The following DAPK1 variants were observed in gnomAD, a reference collection of about 807,000 sequenced individuals.
DAPK1 encodes death associated protein kinase 1.
A neutral mutation model predicts 144.9 loss-of-function variants in DAPK1; 56 were observed. That is an observed-to-expected ratio of 0.39 (90% confidence interval 0.31 to 0.48). The LOEUF (loss-of-function observed/expected upper bound fraction) is 0.48. Ranked by LOEUF, DAPK1 falls within the 20% of genes least tolerant of loss-of-function variation. DAPK1 has a pLI of 0.95. For missense variants in DAPK1, 1,454 were observed against 1,875.4 expected (o/e 0.78, Z 4.15); for synonymous variants, 690 against 749.0 (o/e 0.92, Z 1.29).
rs1321149621 is a variant in DAPK1 at position 87,596,201 on chromosome 9, T to A, written c.63-8753T>A. Among the ~76,000 whole-genome samples, 6 of 152,180 alleles carry A rather than the reference T, an allele frequency of 3.9e-5. No individual in the cohort carries two copies. The East Asian group carries it at 1.2e-3, about 29-fold the overall frequency. On this transcript the variant is annotated intron_variant, in intron 2 of 25. Coordinates refer to ENST00000408954, the MANE Select transcript of DAPK1 (RefSeq NM_004938.4). Reference sequence around the variant, plus strand: ...TTGGGGTTAGGATCAAAGAAGGGGTTCCCGCTGAAGGTGCAGGGAGAGTGT... The same window carrying A: ...TTGGGGTTAGGATCAAAGAAGGGGTACCCGCTGAAGGTGCAGGGAGAGTGT...
intron 2 of DAPK1, among the ~76,000 whole-genome samples, chr9:87,552,055 C>T (rs1826509203): frequency 7.1e-6 from 1 of 141,556 alleles, no homozygotes; most frequent in African/African-American, 2.8e-5. Context: ...GCCAGCAGGC[C>T]TCGCGAGGCT....
intron 19 of DAPK1, among the ~76,000 whole-genome samples, chr9:87,680,651 ACG>A (rs995783643): frequency 4.9e-4 from 56 of 114,538 alleles, no homozygotes; most frequent in South Asian, 1.3e-3. Context: ...ACACACACAC[ACG>A]CGCACACACA....
At chr9:87,621,110 C>G (rs929653419) in intron 3 of DAPK1, among the ~76,000 whole-genome samples, 1 of 152,226 alleles carries the variant, frequency 6.6e-6, no homozygotes, top group African/African-American at 2.4e-5. Context: ...AGGCACTTTC[C>G]TTTCTACCCT....
chr9:87,654,580 G>T (rs770919230), intron 17 of DAPK1, among the ~76,000 whole-genome samples: 15 of 152,170 alleles, frequency 9.9e-5, no homozygotes, highest in Non-Finnish European at 2.1e-4. Context: ...AGTTTGTCCC[G>T]TTTTAATCTT....
intron 3 of DAPK1, chr9:87,632,532 G>C (rs1829734932): frequency 3.1e-6 from 3 of 976,824 alleles, no homozygotes; most frequent in Non-Finnish European, 3.6e-6. Flanking sequence ...AGAAATGAAG[G>C]AAGATGAGTA....
intron 2 of DAPK1, among the ~76,000 whole-genome samples, chr9:87,572,838 G>A (rs36203854): frequency 6.6e-6 from 1 of 152,154 alleles, no homozygotes; most frequent in South Asian, 2.1e-4. Flanking sequence ...TAACACTGTA[G>A]GTCTAGGTGG....
chr9:87,658,120 T>A lies in DAPK1; in HGVS notation c.1916T>A (p.Leu639Gln). 1 of 1,354,270 alleles carries A rather than the reference T, an allele frequency of 7.4e-7. No homozygotes were observed. The highest frequency in any genetic ancestry group is 1.1e-6 in the Non-Finnish European group (1 of 945,264). The allele number at this position is 1,354,270 out of a possible 1,614,324, so 83.9% of individuals were successfully genotyped here. A position where few individuals can be genotyped will look rare whatever the true frequency, so the allele number is the denominator to read the frequency against. Residue 639 changes from leucine to glutamine, a missense_variant, in exon 18 of 26, where the codon CTG becomes CAG. Physicochemically the swap from Leu to Gln is moderately radical, Grantham distance 113 (BLOSUM62 -2). Transcript: ENST00000408954. ...CTGATGGGAGCCAGCGTTGAGGCGC[T>A]GACCACGGTGAGTGCCCACAGGGCT... Reference protein sequence around the residue: ...LCLMGASVEALTTDGKTAEDL... With the variant: ...LCLMGASVEAQTTDGKTAEDL...
chr9:87,503,239 T>A (rs891770515), intron 2 of DAPK1, among the ~76,000 whole-genome samples: 6 of 152,030 alleles, frequency 3.9e-5, no homozygotes, highest in Admixed American at 1.3e-4. Context: ...TATATGTTTT[T>A]TATATATATG....
intron 11 of DAPK1, among the ~76,000 whole-genome samples, chr9:87,644,004 G>T (rs2119149892): frequency 6.6e-6 from 1 of 152,238 alleles, no homozygotes; most frequent in African/African-American, 2.4e-5. Flanking sequence ...TCTCCTAGCA[G>T]ACCAGAAGGC....
At chr9:87,580,893 G>A (rs1827730598) in intron 2 of DAPK1, among the ~76,000 whole-genome samples, 1 of 152,200 alleles carries the variant, frequency 6.6e-6, no homozygotes, top group African/African-American at 2.4e-5. Context: ...GACACTTAAT[G>A]TGAATGTTTG....
chr9:87,573,296 G>GAA (rs1396764879), intron 2 of DAPK1, among the ~76,000 whole-genome samples: 1 of 152,192 alleles, frequency 6.6e-6, no homozygotes, highest in East Asian at 1.9e-4. Flanking sequence ...CTTGTAACCT[G>GAA]AGCCAGGTCT....
intron 3 of DAPK1, among the ~76,000 whole-genome samples, chr9:87,620,188 C>T (rs1033619637): frequency 7.2e-5 from 11 of 152,170 alleles, no homozygotes; most frequent in East Asian, 1.9e-4. Context: ...CCCCTCCGCT[C>T]GTGCCCCTCC....
intron 25 of DAPK1, among the ~76,000 whole-genome samples, chr9:87,704,343 A>G (rs1394404004): frequency 6.6e-6 from 1 of 152,186 alleles, no homozygotes; most frequent in Non-Finnish European, 1.5e-5. Flanking sequence ...TCTAGATCAT[A>G]TCATATAGTC....
chr9:87,540,461 G>GT (rs1826008517), intron 2 of DAPK1, among the ~76,000 whole-genome samples: 1 of 152,130 alleles, frequency 6.6e-6, no homozygotes, highest in Non-Finnish European at 1.5e-5. Flanking sequence ...AAAGTGCTGA[G>GT]GTTACCGGCA....
chr9:87,567,818 C>T (rs1275831584), intron 2 of DAPK1, among the ~76,000 whole-genome samples: 1 of 152,134 alleles, frequency 6.6e-6, no homozygotes, highest in Non-Finnish European at 1.5e-5. Context: ...CTCAAGGGTT[C>T]TGAGTTGCTG....
intron 2 of DAPK1, among the ~76,000 whole-genome samples, chr9:87,548,855 T>C (rs1042042486): frequency 2.0e-5 from 3 of 150,242 alleles, no homozygotes; most frequent in African/African-American, 7.3e-5. Context: ...CCCTCCACAG[T>C]AGGTTGTAAA....
At chr9:87,514,045 A>T (rs1263060395) in intron 2 of DAPK1, among the ~76,000 whole-genome samples, 1 of 152,204 alleles carries the variant, frequency 6.6e-6, no homozygotes. Flanking sequence ...GTCTCCAGAC[A>T]TTGCTAAATG....
intron 2 of DAPK1, among the ~76,000 whole-genome samples, chr9:87,571,462 C>CACCCCA (rs1564000706): frequency 3.1e-4 from 20 of 65,484 alleles, no homozygotes; most frequent in African/African-American, 1.6e-3. Flanking sequence ...CACACACACA[C>CACCCCA]ACACACACAC....
In DAPK1 at chr9:87,659,139, G is replaced by A. The variant is rs145492806; in HGVS notation, c.1923+1012G>A. ...CCTTGACGGAAAATGTTTGCTGACC[G>A]CTGGGGCTAGGATGTCGCCTCCCCG... On this transcript the variant is annotated intron_variant, in intron 18 of 25. Coordinates refer to ENST00000408954, the MANE Select transcript of DAPK1 (RefSeq NM_004938.4). Among the ~76,000 whole-genome samples, 247 of 152,344 alleles carry A rather than the reference G, an allele frequency of 1.6e-3. 2 individuals carry two copies. Among genetic ancestry groups the A allele is most frequent in the African/African-American group, 5.7e-3 (235 of 41,574 alleles).
Sources: allele counts gnomAD v4.1 joint callset (sites outside exome capture counted in the v4.1 genomes callset), GRCh38; gene constraint gnomAD v4.1.1; transcripts MANE v1.5; gene names NCBI Gene and HGNC (gene_info 2026-07-23, HGNC 2026-07-21).